The following KIT variants were observed in gnomAD, a reference collection of about 807,000 sequenced individuals.
The protein encoded by KIT is KIT proto-oncogene, receptor tyrosine kinase.
In KIT, 16 loss-of-function variants were observed where a neutral mutation model predicts 105.7. The ratio of observed to expected loss-of-function variants is 0.15; its 90% confidence interval spans 0.10 to 0.23. The LOEUF (loss-of-function observed/expected upper bound fraction) is 0.23. Ranked by LOEUF, KIT falls within the 10% of genes least tolerant of loss-of-function variation. The probability of loss-of-function intolerance (pLI) is 1.00; values close to 1 mark genes in which losing one functional copy is unlikely to be tolerated. For synonymous variants in KIT, 438 were observed against 441.1 expected (o/e 0.99, Z 0.09); for missense variants, 858 against 1,213.8 (o/e 0.71, Z 4.36).
chr4:54,736,073 T>C (rs1722908587), intron 17 of KIT, among the ~76,000 whole-genome samples: 1 of 152,184 alleles, frequency 6.6e-6, no homozygotes, highest in African/African-American at 2.4e-5. Flanking sequence ...CCGAGTCACC[T>C]AACTACAGCT....
intron 1 of KIT, among the ~76,000 whole-genome samples, chr4:54,694,230 A>G (rs1484205050): frequency 1.3e-5 from 2 of 151,954 alleles, no homozygotes; most frequent in Non-Finnish European, 2.9e-5. Flanking sequence ...CTGCCAGTTC[A>G]TGCTGTCATC....
In KIT at chr4:54,707,297, G is replaced by A. The variant is rs780833633; in HGVS notation, c.1115+10G>A. On this transcript the variant is annotated intron_variant, in intron 6 of 20. Transcript: ENST00000288135. Reference sequence around the variant, plus strand: ...ATGAAAGTAATATCAGGTAAGAAATGGACCTTGCCCTGGGGGATTACACAT... The same window carrying A: ...ATGAAAGTAATATCAGGTAAGAAATAGACCTTGCCCTGGGGGATTACACAT... The A allele has an allele frequency of 1.3e-5, 20 of 1,588,382 alleles. No homozygotes were observed. In the South Asian group the frequency reaches 2.2e-4, roughly 18 times the overall value.
intron 1 of KIT, among the ~76,000 whole-genome samples, chr4:54,677,334 C>A (rs1560380438): frequency 6.6e-6 from 1 of 151,978 alleles, no homozygotes; most frequent in Admixed American, 6.6e-5. Context: ...AGGCAGGTCC[C>A]TGGCACTGTG....
At position 54,737,233 on chromosome 4, in the gene KIT, C is replaced by G; in HGVS notation, c.2755C>G (p.Gln919Glu). The change falls in exon 20 of 21, where the codon CAA becomes GAA. Residue 919 changes from glutamine to glutamate, a missense_variant. This residue lies in a region of KIT where 105 missense variants were observed against 103.5 expected (regional missense o/e 1.01). Transcript: ENST00000288135. ...ADPLKRPTFKQIVQLIEKQIS... is the reference protein window; with the variant it reads ...ADPLKRPTFKEIVQLIEKQIS... Reference sequence around the variant, plus strand: ...TCCCCTAAAAAGACCAACATTCAAGCAAATTGTTCAGCTAATTGAGAAGCA... The same window carrying G: ...TCCCCTAAAAAGACCAACATTCAAGGAAATTGTTCAGCTAATTGAGAAGCA... The G allele has an allele frequency of 6.2e-7, 1 of 1,613,894 alleles. No individual in the cohort carries two copies.
intron 1 of KIT, among the ~76,000 whole-genome samples, chr4:54,686,797 G>A (rs575751743): frequency 1.3e-5 from 2 of 152,116 alleles, no homozygotes; most frequent in Non-Finnish European, 2.9e-5. Context: ...TGCCTGCCTC[G>A]GCCTCCCAAA....
At chr4:54,715,193 G>T (rs905510587) in intron 7 of KIT, among the ~76,000 whole-genome samples, 2 of 152,116 alleles carry the variant, frequency 1.3e-5, no homozygotes, top group African/African-American at 4.8e-5. Flanking sequence ...CTTTGACCAA[G>T]TATGCAAAGT....
At chr4:54,714,235 T>C (rs182459526) in intron 7 of KIT, among the ~76,000 whole-genome samples, 2 of 152,270 alleles carry the variant, frequency 1.3e-5, no homozygotes, top group East Asian at 3.9e-4. Flanking sequence ...GCTTTCTTAA[T>C]AGACATTAAC....
intron 7 of KIT, among the ~76,000 whole-genome samples, chr4:54,712,415 A>G (rs931328654): frequency 6.6e-6 from 1 of 152,212 alleles, no homozygotes; most frequent in Non-Finnish European, 1.5e-5. Context: ...TTGAGAGTTC[A>G]GTGGTTGGGA....
chr4:54,675,613 A>T (rs1178919713), intron 1 of KIT, among the ~76,000 whole-genome samples: 2 of 152,256 alleles, frequency 1.3e-5, no homozygotes, highest in Non-Finnish European at 2.9e-5. Flanking sequence ...ATTCAAATGT[A>T]GAATGGCTGC....
chr4:54,675,972 C>T (rs763493679), intron 1 of KIT, among the ~76,000 whole-genome samples: 7 of 152,132 alleles, frequency 4.6e-5, no homozygotes, highest in Admixed American at 6.5e-5. Flanking sequence ...CTTGGGGATT[C>T]GAGAAATCTG....
At chr4:54,727,983 T>C in intron 12 of KIT, 28 bp from the exon 13 acceptor site, 1 of 1,613,602 alleles carries the variant, frequency 6.2e-7, no homozygotes, top group Non-Finnish European at 8.5e-7. Flanking sequence ...GTTGTGCTTT[T>C]TGCTAAAATG....
intron 1 of KIT, among the ~76,000 whole-genome samples, chr4:54,695,215 C>T (rs1719973943): frequency 2.0e-5 from 3 of 152,118 alleles, no homozygotes. Context: ...GGCCCATATT[C>T]AGAATGAAAA....
intron 1 of KIT, among the ~76,000 whole-genome samples, chr4:54,671,920 T>C (rs1718135879): frequency 6.6e-6 from 1 of 152,186 alleles, no homozygotes; most frequent in African/African-American, 2.4e-5. Context: ...TAGAATTTCA[T>C]CTATAAATAT....
At chr4:54,713,239 A>G (rs905575984) in intron 7 of KIT, among the ~76,000 whole-genome samples, 1 of 152,056 alleles carries the variant, frequency 6.6e-6, no homozygotes, top group Non-Finnish European at 1.5e-5. Flanking sequence ...ATACCCGTGT[A>G]TAGTCTTTAT....
At chr4:54,673,745 T>C (rs1160384020) in intron 1 of KIT, among the ~76,000 whole-genome samples, 1 of 152,226 alleles carries the variant, frequency 6.6e-6, no homozygotes, top group East Asian at 1.9e-4. Context: ...AACCGAGTTT[T>C]CCTATACTTT....
At chr4:54,698,156 G>T (rs1720201486) in intron 2 of KIT, 128 bp from the exon 3 acceptor site, 2 of 977,182 alleles carry the variant, frequency 2.0e-6, no homozygotes, top group Non-Finnish European at 1.6e-6. Context: ...TTTTGCTTTT[G>T]TTTACACAGA....
At chr4:54,702,308 T>A (rs1720503211) in intron 4 of KIT, among the ~76,000 whole-genome samples, 1 of 152,154 alleles carries the variant, frequency 6.6e-6, no homozygotes, top group African/African-American at 2.4e-5. Flanking sequence ...AATAATATAT[T>A]TTATTTGACT....
rs1723129367 is a variant in KIT, at chr4:54,739,538, A to C, written c.*981A>C. The C allele has an allele frequency of 4.3e-6, 1 of 233,450 alleles. No individual in the cohort carries two copies. 14.5% of individuals were successfully genotyped at this position (233,450 alleles called of 1,614,324 possible). A position where few individuals can be genotyped will look rare whatever the true frequency, so the allele number is the denominator to read the frequency against. ...TTTGACAAAGTTACTGATTCACTGC[A>C]TGGCTCCCACAGGAGTGGGAAAACA... On this transcript the variant is annotated 3_prime_UTR_variant, in exon 21 of 21. Coordinates refer to ENST00000288135, the MANE Select transcript of KIT (RefSeq NM_000222.3).
chr4:54,706,534 A>C (rs1284836085), intron 5 of KIT, among the ~76,000 whole-genome samples: 1 of 152,118 alleles, frequency 6.6e-6, no homozygotes, highest in Non-Finnish European at 1.5e-5. Flanking sequence ...AAAAGCCTAG[A>C]AACTTCCCCT....
Sources: allele counts gnomAD v4.1 joint callset (sites outside exome capture counted in the v4.1 genomes callset), GRCh38; gene constraint gnomAD v4.1.1; regional missense constraint gnomAD v4.1.1; transcripts MANE v1.5; gene names NCBI Gene and HGNC (gene_info 2026-07-23, HGNC 2026-07-21).